The following HDAC9 variants were observed in gnomAD, a reference collection of about 807,000 sequenced individuals.
The protein encoded by HDAC9 is histone deacetylase 9.
A neutral mutation model predicts 139.4 loss-of-function variants in HDAC9; 41 were observed. The observed-to-expected ratio is 0.29, with a 90% CI of 0.23 to 0.38. The LOEUF is 0.38. Among genes scored for constraint, HDAC9 ranks in the 10% least tolerant of loss-of-function variants. The probability of loss-of-function intolerance (pLI) is 1.00; values close to 1 mark genes in which losing one functional copy is unlikely to be tolerated. For synonymous variants in HDAC9, 517 were observed against 476.2 expected (o/e 1.09, Z -1.12); for missense variants, 1,147 against 1,297.0 (o/e 0.88, Z 1.78).
At chr7:18,825,130 C>T (rs1795316179) in intron 17 of HDAC9, among the ~76,000 whole-genome samples, 1 of 152,106 alleles carries the variant, frequency 6.6e-6, no homozygotes, top group African/African-American at 2.4e-5. Flanking sequence ...ATATTGAGTA[C>T]ATGGGCTAAT....
chr7:18,186,657 T>G (rs942464382), intron 2 of HDAC9, among the ~76,000 whole-genome samples: 3 of 152,244 alleles, frequency 2.0e-5, no homozygotes, highest in African/African-American at 7.2e-5. Flanking sequence ...AATTCCTGGC[T>G]CTGCTCTTCA....
intron 25 of HDAC9, 147 bp from the exon 26 acceptor site, chr7:18,995,876 C>T: frequency 1.7e-6 from 1 of 599,128 alleles, no homozygotes; most frequent in Non-Finnish European, 2.9e-6. Flanking sequence ...TTTATACTTC[C>T]TAGGAAAGAA....
chr7:18,833,115 A>G lies in HDAC9; in HGVS notation c.2467-2352A>G, dbSNP rs1585121324. Among the ~76,000 whole-genome samples, 3 of 152,326 alleles carry G rather than the reference A, an allele frequency of 2.0e-5. 1 individual carries two copies. The highest frequency in any genetic ancestry group is 3.4e-3 in the Middle Eastern group (1 of 294). ...GACATAATTGAGTTTAACCTTTATC[A>G]CTAAATATTTGGTGAATATGAATAC... is the stretch of plus-strand genomic sequence containing the variant. On this transcript the variant is annotated intron_variant, in intron 19 of 25. Transcript: ENST00000686413.
At chr7:18,586,725 C>A (rs1255643853) in intron 3 of HDAC9, among the ~76,000 whole-genome samples, 1 of 151,952 alleles carries the variant, frequency 6.6e-6, no homozygotes, top group Admixed American at 6.6e-5. Flanking sequence ...ATATTTATTT[C>A]TTTTAGTAGT....
At chr7:18,622,335 T>G (rs1012272745) in intron 6 of HDAC9, among the ~76,000 whole-genome samples, 17 of 152,266 alleles carry the variant, frequency 1.1e-4, no homozygotes, top group Non-Finnish European at 1.8e-4. Flanking sequence ...ATGTATTTAT[T>G]TATTTAGAGA....
At chr7:18,171,886 G>A (rs1234866829) in intron 2 of HDAC9, among the ~76,000 whole-genome samples, 1 of 152,176 alleles carries the variant, frequency 6.6e-6, no homozygotes, top group East Asian at 1.9e-4. Context: ...ATGTTCATCA[G>A]GGATATTGGT....
intron 1 of HDAC9, among the ~76,000 whole-genome samples, chr7:18,405,331 T>C (rs10227283): frequency 0.013 from 1,938 of 152,312 alleles, 44 homozygotes; most frequent in African/African-American, 0.044. Context: ...AATTTCTAAG[T>C]ATTTTTTGCC....
rs371422995 is a variant in HDAC9, at chr7:18,623,442, A to G, written c.665-5908A>G. 1.1e-4 allele frequency among the ~76,000 whole-genome samples: 17 copies of G among 152,264 alleles called. No individual in the cohort carries two copies. The East Asian group carries it at 2.5e-3, about 22-fold the overall frequency. ...TCTCTACTTATTTTTTATTTTGTTT[A>G]ATTTTAACATAACTTCATCTTACAT... On this transcript the variant is annotated intron_variant, in intron 6 of 25. Coordinates refer to ENST00000686413, the MANE Select transcript of HDAC9 (RefSeq NM_178425.4).
upstream of HDAC9, among the ~76,000 whole-genome samples, chr7:18,288,899 C>T (rs1797623803): frequency 6.6e-6 from 1 of 152,130 alleles, no homozygotes; most frequent in Non-Finnish European, 1.5e-5. Flanking sequence ...GTGGATGAAG[C>T]CGAGGAGGTG....
chr7:18,410,331 T>A (rs1161339996), intron 1 of HDAC9, among the ~76,000 whole-genome samples: 1 of 152,100 alleles, frequency 6.6e-6, no homozygotes. Context: ...CAGGAAGGCA[T>A]TGGCAATGGA....
At chr7:18,315,798 T>A (rs944342037) in intron 1 of HDAC9, among the ~76,000 whole-genome samples, 4 of 152,180 alleles carry the variant, frequency 2.6e-5, no homozygotes, top group African/African-American at 9.7e-5. Context: ...CCTGGACAGA[T>A]CCTTGTGATG....
At chr7:18,668,525 C>T in intron 12 of HDAC9, 1 of 978,876 alleles carries the variant, frequency 1.0e-6, no homozygotes, top group Non-Finnish European at 1.2e-6. Flanking sequence ...GATATGTAAT[C>T]ACAAACAAAA....
chr7:18,963,346 G>A (rs1397453110), intron 24 of HDAC9, among the ~76,000 whole-genome samples: 1 of 152,128 alleles, frequency 6.6e-6, no homozygotes, highest in Non-Finnish European at 1.5e-5. Context: ...TCAGGAGGAA[G>A]CCAGTAAAAT....
intron 25 of HDAC9, among the ~76,000 whole-genome samples, chr7:18,984,203 G>T (rs1474209908): frequency 1.3e-5 from 2 of 151,800 alleles, no homozygotes; most frequent in Non-Finnish European, 2.9e-5. Context: ...TTTTTTAATA[G>T]CAGTATATTA....
intron 22 of HDAC9, among the ~76,000 whole-genome samples, chr7:18,900,850 C>A (rs1397608319): frequency 1.3e-5 from 2 of 152,046 alleles, no homozygotes; most frequent in East Asian, 1.9e-4. Context: ...TGTATAGATA[C>A]CACTGGATGC....
chr7:18,516,957 A>T (rs1803418355), intron 2 of HDAC9, among the ~76,000 whole-genome samples: 1 of 152,052 alleles, frequency 6.6e-6, no homozygotes, highest in African/African-American at 2.4e-5. Flanking sequence ...GTAAAAAATT[A>T]TATAGAAAGA....
intron 22 of HDAC9, among the ~76,000 whole-genome samples, chr7:18,877,089 G>A (rs1380137423): frequency 6.6e-6 from 1 of 152,086 alleles, no homozygotes; most frequent in African/African-American, 2.4e-5. Context: ...GACAGACATT[G>A]ACTAGTTTTG....
At chr7:18,525,437 TGTGA>T (rs1806518829) in intron 2 of HDAC9, among the ~76,000 whole-genome samples, 1 of 152,178 alleles carries the variant, frequency 6.6e-6, no homozygotes, top group South Asian at 2.1e-4. Flanking sequence ...AAAATTACTG[TGTGA>T]GTATTCTTAA....
chr7:18,575,149 C>T lies in HDAC9; in HGVS notation c.23-10132C>T, dbSNP rs568845498. 1.4e-3 allele frequency among the ~76,000 whole-genome samples: 206 copies of T among 152,236 alleles called. 1 individual carries two copies. The highest frequency in any genetic ancestry group is 4.8e-3 in the African/African-American group (199 of 41,548). On this transcript the variant is annotated intron_variant, in intron 2 of 25. Coordinates refer to ENST00000686413, the MANE Select transcript of HDAC9 (RefSeq NM_178425.4). ...ATTCAAACTTCTTAATTTACTTTTCCTGAAAAAAGTTGCCTTTCAAGACTA... is the reference window on the plus strand; with the variant it reads ...ATTCAAACTTCTTAATTTACTTTTCTTGAAAAAAGTTGCCTTTCAAGACTA...
Sources: allele counts gnomAD v4.1 joint callset (sites outside exome capture counted in the v4.1 genomes callset), GRCh38; gene constraint gnomAD v4.1.1; transcripts MANE v1.5; gene names NCBI Gene and HGNC (gene_info 2026-07-23, HGNC 2026-07-21).